RYR2: variants seen among roughly 807,000 people sequenced by gnomAD.
RYR2 encodes the protein ryanodine receptor 2.
In RYR2, 227 loss-of-function variants were observed where a neutral mutation model predicts 601.1. The observed-to-expected ratio is 0.38, with a 90% CI of 0.34 to 0.42. RYR2 has a LOEUF of 0.42. Among genes scored for constraint, RYR2 ranks in the 10% least tolerant of loss-of-function variants. The probability of loss-of-function intolerance (pLI) is 1.00; values close to 1 mark genes in which losing one functional copy is unlikely to be tolerated. For missense variants in RYR2, 4,646 were observed against 6,156.5 expected, an observed-to-expected ratio of 0.75 and a Z score of 8.21; for synonymous variants, 2,223 against 2,175.1, an observed-to-expected ratio of 1.02 and a Z score of -0.61.
intron 48 of RYR2, among the ~76,000 whole-genome samples, chr1:237,646,205 G>A (rs749360331): frequency 2.1e-4 from 32 of 151,844 alleles, no homozygotes; most frequent in Admixed American, 1.0e-3. Context: ...GCCAGGTGTG[G>A]TGGTGCACGC....
At chr1:237,326,537 CA>C (rs1004177425) in intron 2 of RYR2, among the ~76,000 whole-genome samples, 9 of 152,164 alleles carry the variant, frequency 5.9e-5, no homozygotes, top group Non-Finnish European at 1.2e-4. Context: ...GGTAGGTAAA[CA>C]TGCTCAACTG....
At chr1:237,822,346 C>T (rs565054123) in intron 101 of RYR2, among the ~76,000 whole-genome samples, 1 of 152,202 alleles carries the variant, frequency 6.6e-6, no homozygotes, top group Non-Finnish European at 1.5e-5. Context: ...AGAAACTCTA[C>T]AAGCCAGAAG....
chr1:237,691,236 T>A (rs899962713), intron 63 of RYR2, among the ~76,000 whole-genome samples: 1 of 152,142 alleles, frequency 6.6e-6, no homozygotes, highest in Non-Finnish European at 1.5e-5. Flanking sequence ...AAGTTGAGGT[T>A]GACAAGAAAA....
chr1:237,160,210 T>C (rs1675850048), intron 1 of RYR2, among the ~76,000 whole-genome samples: 1 of 152,230 alleles, frequency 6.6e-6, no homozygotes, highest in African/African-American at 2.4e-5. Context: ...AACAAGTTTA[T>C]ATGTATTATT....
In RYR2 at chr1:237,744,719, T is replaced by TAA. The variant is rs10925505; in HGVS notation, c.11145+2382_11145+2383dup. On this transcript the variant is annotated intron_variant, in intron 80 of 104. Coordinates refer to ENST00000366574, the MANE Select transcript of RYR2 (RefSeq NM_001035.3). ...ACTATTCTACTTTGCCTTCTTTTTT[T>TAA]AAAAAAAAAAAAAGTGAAATATTTG... 1.1e-3 allele frequency among the ~76,000 whole-genome samples: 159 copies of TAA among 146,258 alleles called. 1 individual carries two copies. Among genetic ancestry groups the TAA allele is most frequent in the African/African-American group, 1.5e-3 (58 of 39,528 alleles).
intron 2 of RYR2, among the ~76,000 whole-genome samples, chr1:237,298,330 G>A (rs12072541): frequency 0.26 from 39,293 of 151,920 alleles, 5,929 homozygotes; most frequent in South Asian, 0.37. Flanking sequence ...ATCCAAGGAT[G>A]GCCTGCAAGA....
intron 1 of RYR2, among the ~76,000 whole-genome samples, chr1:237,097,454 A>T (rs1667610069): frequency 1.3e-5 from 2 of 152,182 alleles, no homozygotes; most frequent in Non-Finnish European, 1.5e-5. Context: ...GAGATCTCCT[A>T]TTGCTTAAAT....
At chr1:237,420,442 T>C (rs1171307407) in intron 11 of RYR2, among the ~76,000 whole-genome samples, 2 of 152,206 alleles carry the variant, frequency 1.3e-5, no homozygotes, top group Non-Finnish European at 2.9e-5. Flanking sequence ...TTTTTTGATG[T>C]TACCATAGGA....
intron 46 of RYR2, among the ~76,000 whole-genome samples, chr1:237,640,687 A>G (rs539931396): frequency 6.6e-6 from 1 of 152,132 alleles, no homozygotes; most frequent in Non-Finnish European, 1.5e-5. Flanking sequence ...ATTTCCACAG[A>G]TGTGTTCTTG....
chr1:237,433,046 T>C (rs1706991029), intron 12 of RYR2, among the ~76,000 whole-genome samples: 1 of 151,322 alleles, frequency 6.6e-6, no homozygotes, highest in African/African-American at 2.4e-5. Flanking sequence ...GGGGGGGGTA[T>C]CTTAAAGAAA....
intron 80 of RYR2, among the ~76,000 whole-genome samples, chr1:237,746,501 A>G (rs1692090931): frequency 6.6e-6 from 1 of 152,186 alleles, no homozygotes; most frequent in Non-Finnish European, 1.5e-5. Flanking sequence ...ACAAGGAAAG[A>G]GGAATGATTT....
At chr1:237,666,434 C>T in intron 56 of RYR2, 78 bp from the exon 57 acceptor site, 1 of 1,259,562 alleles carries the variant, frequency 7.9e-7, no homozygotes, top group Non-Finnish European at 1.1e-6. Context: ...AAATTTGTGC[C>T]ATATTTTTAA....
In RYR2 at chr1:237,369,518, T is replaced by G. The variant is rs1558698164; in HGVS notation, c.310-16T>G. The G allele has an allele frequency of 2.6e-6, 4 of 1,553,928 alleles. No individual in the cohort carries two copies. The highest frequency in any genetic ancestry group is 3.5e-6 in the Non-Finnish European group (4 of 1,147,088). On this transcript the variant is annotated splice_polypyrimidine_tract_variant and intron_variant, in intron 5 of 104. Coordinates refer to ENST00000366574, the MANE Select transcript of RYR2 (RefSeq NM_001035.3). ...GTTTTTCTCTCTTGTTCTCCTTTTT[T>G]CTCTTCTCTCTAAAGACTGCTCAAG...
At chr1:237,803,800 A>AT (rs2149428221) in intron 98 of RYR2, among the ~76,000 whole-genome samples, 1 of 152,096 alleles carries the variant, frequency 6.6e-6, no homozygotes, top group East Asian at 1.9e-4. Flanking sequence ...CAATGCATGT[A>AT]TTTGATTATT....
intron 2 of RYR2, among the ~76,000 whole-genome samples, chr1:237,293,873 T>C (rs893623195): frequency 3.9e-5 from 6 of 152,128 alleles, no homozygotes; most frequent in South Asian, 2.1e-4. Context: ...GATTCCATCA[T>C]TGGCCATTGG....
rs1678258756 is a variant in RYR2, at chr1:237,614,609, C to T, written c.5481C>T (p.Thr1827=). 6.2e-7 allele frequency: 1 copy of T among 1,613,950 alleles called. No homozygotes were observed. The highest frequency in any genetic ancestry group is 8.5e-7 in the Non-Finnish European group (1 of 1,179,888). The part of the protein sequence containing the change: ...LFVPLIKLFY[T]LLIMGIFHNE... ...TACCTCTCATCAAGCTTTTCTATAC[C>T]CTGCTGATCATGGGCATCTTTCACA... The change falls in exon 37 of 105, where the codon ACC becomes ACT. Residue 1827 remains threonine (T), a synonymous_variant. Transcript: ENST00000366574. The surrounding 1 kb of genome is among the most constrained non-coding windows in gnomAD (Gnocchi z 4.3).
intron 1 of RYR2, among the ~76,000 whole-genome samples, chr1:237,161,479 T>TA (rs953841047): frequency 6.6e-6 from 1 of 150,528 alleles, no homozygotes; most frequent in Non-Finnish European, 1.5e-5. Context: ...GGAGTTTTAA[T>TA]AAAAAATTGT....
At chr1:237,345,488 A>T (rs1327097357) in intron 3 of RYR2, among the ~76,000 whole-genome samples, 3 of 150,222 alleles carry the variant, frequency 2.0e-5, no homozygotes, top group African/African-American at 5.0e-5. Flanking sequence ...AAATAAAAAA[A>T]AATATATATA....
chr1:237,045,190 T>C (rs922964764), intron 1 of RYR2, among the ~76,000 whole-genome samples: 1 of 152,222 alleles, frequency 6.6e-6, no homozygotes, highest in African/African-American at 2.4e-5. Flanking sequence ...TGGATTTGTA[T>C]TCAGCACCCC....
Sources: allele counts gnomAD v4.1 joint callset (sites outside exome capture counted in the v4.1 genomes callset), GRCh38; gene constraint gnomAD v4.1.1; non-coding constraint Gnocchi (gnomAD v3.1); transcripts MANE v1.5; gene names NCBI Gene and HGNC (gene_info 2026-07-23, HGNC 2026-07-21).